BAIAP2L1: variants seen among roughly 807,000 people sequenced by gnomAD.
The protein encoded by BAIAP2L1 is BAR/IMD domain containing adaptor protein 2 like 1.
A neutral mutation model predicts 66.3 loss-of-function variants in BAIAP2L1; 35 were observed. That is an observed-to-expected ratio of 0.53 (90% CI 0.40 to 0.70). The LOEUF (loss-of-function observed/expected upper bound fraction) is 0.70, where lower values mean the gene tolerates loss of function less well. Ranked by LOEUF, BAIAP2L1 falls within the 30% of genes least tolerant of loss-of-function variation. BAIAP2L1 has a pLI of 0.00. For synonymous variants in BAIAP2L1, 269 were observed against 248.7 expected (o/e 1.08, Z -0.77); for missense variants, 622 against 656.9 (o/e 0.95, Z 0.58).
chr7:98,296,632 A>G (rs1800203643), intron 12 of BAIAP2L1, among the ~76,000 whole-genome samples: 1 of 151,870 alleles, frequency 6.6e-6, no homozygotes, highest in Non-Finnish European at 1.5e-5. Context: ...TGTAAAAAAC[A>G]AAAAAACAAA....
chr7:98,335,215 C>T (rs1028900131), intron 3 of BAIAP2L1, among the ~76,000 whole-genome samples: 2 of 151,134 alleles, frequency 1.3e-5, no homozygotes, highest in Non-Finnish European at 3.0e-5. Context: ...AGCCCTAAAT[C>T]CCAGGTCAAT....
chr7:98,296,481 T>G (rs751880986), intron 12 of BAIAP2L1, among the ~76,000 whole-genome samples: 5 of 151,904 alleles, frequency 3.3e-5, no homozygotes, highest in Non-Finnish European at 7.4e-5. Context: ...CAAAATTAGC[T>G]GGGTGTGGTG....
chr7:98,377,002 T>C (rs1201137018), intron 1 of BAIAP2L1, among the ~76,000 whole-genome samples: 1 of 152,128 alleles, frequency 6.6e-6, no homozygotes, highest in Non-Finnish European at 1.5e-5. Context: ...ATCTAATCAG[T>C]CAAAAGCCTG....
chr7:98,295,621 TC>T (rs1562962086), intron 12 of BAIAP2L1, among the ~76,000 whole-genome samples: 1 of 152,094 alleles, frequency 6.6e-6, no homozygotes. Flanking sequence ...TTCATGCCAA[TC>T]CTGACTCCAC....
rs1187308090 is a variant in BAIAP2L1, at chr7:98,308,577, T to C, written c.956-681A>G. On this transcript the variant is annotated intron_variant, in intron 9 of 13. Transcript: ENST00000005260. Reference sequence around the variant, plus strand: ...CAGCTAGGGCAGGTTTGTCCCATACTCTCTACCCATGAGCACGAGGCTGTG... The same window carrying C: ...CAGCTAGGGCAGGTTTGTCCCATACCCTCTACCCATGAGCACGAGGCTGTG... 4 of 317,862 alleles carry C rather than the reference T, an allele frequency of 1.3e-5. No individual in the cohort carries two copies. The East Asian group carries it at 3.1e-4, about 24-fold the overall frequency. 19.7% of individuals were successfully genotyped at this position (317,862 alleles called of 1,614,324 possible).
intron 2 of BAIAP2L1, among the ~76,000 whole-genome samples, chr7:98,362,003 C>A (rs531683787): frequency 1.3e-5 from 2 of 152,254 alleles, no homozygotes; most frequent in African/African-American, 4.8e-5. Flanking sequence ...ACAAGAAATT[C>A]TTTTATATAC....
At chr7:98,353,929 T>C (rs1205233741) in intron 3 of BAIAP2L1, among the ~76,000 whole-genome samples, 1 of 150,328 alleles carries the variant, frequency 6.7e-6, no homozygotes, top group African/African-American at 2.4e-5. Context: ...GCCACTGCAC[T>C]CCAGCCTGGG....
chr7:98,333,366 G>A (rs1801544786), intron 3 of BAIAP2L1, among the ~76,000 whole-genome samples: 1 of 152,024 alleles, frequency 6.6e-6, no homozygotes, highest in African/African-American at 2.4e-5. Flanking sequence ...GGGAGGCCGA[G>A]GCAGGCGGAT....
chr7:98,366,949 T>C (rs750693126), intron 1 of BAIAP2L1, among the ~76,000 whole-genome samples: 9 of 152,136 alleles, frequency 5.9e-5, no homozygotes, highest in Non-Finnish European at 1.2e-4. Flanking sequence ...TGGCGTGCAG[T>C]GGCATGATCA....
intron 1 of BAIAP2L1, among the ~76,000 whole-genome samples, chr7:98,383,387 G>C (rs544138980): frequency 6.7e-6 from 1 of 150,370 alleles, no homozygotes; most frequent in Non-Finnish European, 1.5e-5. Flanking sequence ...TGGTTCAAGC[G>C]ATTCTCCTGC....
chr7:98,345,647 C>T (rs1801855247), intron 3 of BAIAP2L1, among the ~76,000 whole-genome samples: 3 of 151,926 alleles, frequency 2.0e-5, no homozygotes, highest in Non-Finnish European at 2.9e-5. Flanking sequence ...ATCGCTTCAA[C>T]CTGGGAGGCA....
At chr7:98,359,835 T>C (rs912660342) in intron 2 of BAIAP2L1, among the ~76,000 whole-genome samples, 20 of 150,314 alleles carry the variant, frequency 1.3e-4, no homozygotes, top group African/African-American at 4.4e-4. Flanking sequence ...TCACAGCTCA[T>C]TGCAGCCTCG....
chr7:98,366,426 G>T (rs1374609443), intron 1 of BAIAP2L1, among the ~76,000 whole-genome samples: 1 of 152,014 alleles, frequency 6.6e-6, no homozygotes, highest in East Asian at 1.9e-4. Context: ...CCAGTCCTCA[G>T]CCTCTGGGGC....
chr7:98,311,263 G>A (rs1800856678), intron 8 of BAIAP2L1, among the ~76,000 whole-genome samples: 1 of 152,148 alleles, frequency 6.6e-6, no homozygotes, highest in African/African-American at 2.4e-5. Flanking sequence ...AGTAAGTATG[G>A]TTGGGTGCAG....
intron 3 of BAIAP2L1, among the ~76,000 whole-genome samples, chr7:98,350,352 A>T (rs1363259793): frequency 1.4e-5 from 2 of 140,724 alleles, no homozygotes; most frequent in Non-Finnish European, 3.0e-5. Flanking sequence ...CCAAAGGCTT[A>T]AAAAAAAAAA....
intron 5 of BAIAP2L1, 31 bp downstream of exon 5, chr7:98,320,027 G>A (rs781054864): frequency 6.3e-7 from 1 of 1,591,380 alleles, no homozygotes; most frequent in Non-Finnish European, 8.6e-7. Flanking sequence ...GGCAGCCCAA[G>A]GCTGGGGCTG....
intron 3 of BAIAP2L1, among the ~76,000 whole-genome samples, chr7:98,336,093 T>C (rs1040795002): frequency 6.6e-6 from 1 of 150,886 alleles, no homozygotes; most frequent in Non-Finnish European, 1.5e-5. Flanking sequence ...GACCTCCACA[T>C]TGGGTACTCG....
Position 98,376,332 on chromosome 7 carries a change from G to A in BAIAP2L1, c.52-13900C>T, listed in dbSNP as rs978531396. On this transcript the variant is annotated intron_variant, in intron 1 of 13. Transcript: ENST00000005260. ...AGCCTGGGCAACATAGTGAGACCCC[G>A]TCTCTACCAAAAACAACAAAAAAAA... Among the ~76,000 whole-genome samples the A allele has an allele frequency of 1.2e-4, 18 of 151,402 alleles. 1 individual carries two copies. The highest frequency in any genetic ancestry group is 4.1e-4 in the African/African-American group (17 of 41,182).
At chr7:98,374,397 A>C (rs914191875) in intron 1 of BAIAP2L1, among the ~76,000 whole-genome samples, 17 of 152,204 alleles carry the variant, frequency 1.1e-4, no homozygotes, top group Admixed American at 1.1e-3. Context: ...CCCACTTGAT[A>C]GACAAGATAC....
Sources: allele counts gnomAD v4.1 joint callset (sites outside exome capture counted in the v4.1 genomes callset), GRCh38; gene constraint gnomAD v4.1.1; transcripts MANE v1.5; gene names NCBI Gene and HGNC (gene_info 2026-07-23, HGNC 2026-07-21).